Variants in TDRD12 observed in about 807,000 individuals in gnomAD.
TDRD12 encodes the protein putative ATP-dependent RNA helicase TDRD12.
In TDRD12, 158 loss-of-function variants were observed where a neutral mutation model predicts 133.5. The ratio of observed to expected loss-of-function variants is 1.18; its 90% CI spans 1.04 to 1.35. The LOEUF (loss-of-function observed/expected upper bound fraction) is 1.35. TDRD12 is among the 40% of genes most tolerant of loss of function. The pLI is 0.00. For missense variants in TDRD12, 1,443 were observed against 1,321.3 expected, an observed-to-expected ratio of 1.09 and a Z score of -1.43; for synonymous variants, 460 against 477.9, an observed-to-expected ratio of 0.96 and a Z score of 0.49.
At chr19:32,752,443 G>A (rs1192574391) in intron 6 of TDRD12, among the ~76,000 whole-genome samples, 1 of 152,168 alleles carries the variant, frequency 6.6e-6, no homozygotes, top group South Asian at 2.1e-4. Flanking sequence ...GCCTCCCAAA[G>A]TGCTGGGATT....
chr19:32,768,697 G>A lies in TDRD12; in HGVS notation c.866-4056G>A, dbSNP rs113332123. On this transcript the variant is annotated intron_variant, in intron 8 of 27. Coordinates refer to ENST00000444215, the Ensembl canonical transcript of TDRD12. ...CTTTGGCTTACTTTGCTTGGATGGA[G>A]CACATCCATACCCTAAGGGCAGGGT... 8.0e-3 allele frequency among the ~76,000 whole-genome samples: 1,216 copies of A among 152,134 alleles called. 16 individuals are homozygous for A. Among genetic ancestry groups the A allele is most frequent in the African/African-American group, 0.028 (1,152 of 41,482 alleles).
chr19:32,727,938 G>T (rs1464483940), intron 1 of TDRD12, among the ~76,000 whole-genome samples: 1 of 152,160 alleles, frequency 6.6e-6, no homozygotes. Flanking sequence ...GAAGTGCTGG[G>T]ATTACAGGTG....
chr19:32,795,335 GAAA>G (rs35855895), intron 14 of TDRD12, among the ~76,000 whole-genome samples: 2 of 114,266 alleles, frequency 1.8e-5, no homozygotes. Context: ...CTCCATCTCA[GAAA>G]AAAAAAAAAA....
At chr19:32,730,136 A>T (rs1431391767) in intron 1 of TDRD12, among the ~76,000 whole-genome samples, 1 of 150,796 alleles carries the variant, frequency 6.6e-6, no homozygotes, top group Non-Finnish European at 1.5e-5. Context: ...TCTTCTCTGG[A>T]CTCCTTGGGG....
At chr19:32,805,198 T>C (rs557374399) in intron 21 of TDRD12, among the ~76,000 whole-genome samples, 204 of 80,472 alleles carry the variant, frequency 2.5e-3, no homozygotes, top group African/African-American at 7.6e-3. Flanking sequence ...AATATATATA[T>C]ACACACACAC....
intron 25 of TDRD12, 132 bp from the exon 26 acceptor site, chr19:32,815,316 C>G: frequency 1.4e-6 from 1 of 711,326 alleles, no homozygotes. Flanking sequence ...AAGCCCTGCA[C>G]GTTGTGGCAA....
chr19:32,731,925 C>G, intron 2 of TDRD12, 42 bp downstream of exon 2: 1 of 1,467,912 alleles, frequency 6.8e-7, no homozygotes, highest in Non-Finnish European at 9.1e-7. Flanking sequence ...TATTGAAACA[C>G]CACTCAAAAT....
At chr19:32,756,294 T>A in intron 7 of TDRD12, 113 bp downstream of exon 7, 1 of 913,842 alleles carries the variant, frequency 1.1e-6, no homozygotes, top group East Asian at 3.3e-5. Context: ...ACTTGGACTC[T>A]GTTTAAAGTT....
intron 16 of TDRD12, among the ~76,000 whole-genome samples, chr19:32,799,451 T>G (rs1420264930): frequency 6.6e-6 from 1 of 152,208 alleles, no homozygotes; most frequent in Non-Finnish European, 1.5e-5. Context: ...CAGCCTAATT[T>G]ACATTTCCTT....
downstream of TDRD12, chr19:32,826,065 C>T (rs891720004): frequency 1.7e-5 from 26 of 1,516,878 alleles, no homozygotes; most frequent in Non-Finnish European, 2.1e-5. Context: ...ATATAAATAA[C>T]CTGTAGGAAA....
chr19:32,745,982 C>CTGTGTG (rs1186338730), intron 4 of TDRD12, among the ~76,000 whole-genome samples: 1 of 63,756 alleles, frequency 1.6e-5, no homozygotes, highest in African/African-American at 7.7e-5. Context: ...TGTGGTCATT[C>CTGTGTG]TGTGTGTGTG....
intron 10 of TDRD12, 107 bp from the exon 11 acceptor site, chr19:32,777,042 C>A: frequency 1.4e-6 from 1 of 724,900 alleles, no homozygotes; most frequent in Non-Finnish European, 2.2e-6. Context: ...GTGCACACCA[C>A]CATGCCCGGC....
At chr19:32,785,116 G>A (rs1046935664) in intron 11 of TDRD12, among the ~76,000 whole-genome samples, 96 of 151,770 alleles carry the variant, frequency 6.3e-4, no homozygotes, top group African/African-American at 2.2e-3. Flanking sequence ...TCCCTTGTGG[G>A]CATTTAGTGC....
rs1440451698 is a variant in TDRD12 at position 32,803,127 on chromosome 19, C to CAAAA, written c.2537_2538insAAAA (p.Phe847LysfsTer13). 1.3e-6 allele frequency: 2 copies of CAAAA among 1,516,704 alleles called. No individual in the cohort carries two copies. Among genetic ancestry groups the CAAAA allele is most frequent in the Non-Finnish European group, 1.8e-6 (2 of 1,142,224 alleles). The allele number at this position is 1,516,704 out of a possible 1,614,324, so 94.0% of individuals were successfully genotyped here. On this transcript the variant is annotated frameshift_variant, in exon 21 of 28. Transcript: ENST00000444215. LOFTEE classifies it high-confidence loss of function. ...AGGCCTCTTTGTCCATATCTGAAGG[C>CAAAA]TTTTGGTTTTTGCAAGTGAGCCAGT...
At chr19:32,783,892 A>G (rs995387188) in intron 11 of TDRD12, among the ~76,000 whole-genome samples, 4 of 152,210 alleles carry the variant, frequency 2.6e-5, no homozygotes, top group East Asian at 3.8e-4. Context: ...TAAATATGCA[A>G]TCATGTCATC....
chr19:32,795,855 G>T (rs775806305), intron 14 of TDRD12, among the ~76,000 whole-genome samples: 3 of 152,146 alleles, frequency 2.0e-5, no homozygotes, highest in Non-Finnish European at 2.9e-5. Context: ...AGGAGCAGGA[G>T]CAGGGGAGGT....
chr19:32,825,328 C>T (rs972978569), downstream of TDRD12, among the ~76,000 whole-genome samples: 3 of 152,194 alleles, frequency 2.0e-5, no homozygotes, highest in African/African-American at 7.2e-5. This position sits in a 1 kb window ranked among gnomAD's most constrained non-coding sequence, Gnocchi z 4.1. Flanking sequence ...CATTCTTACT[C>T]CGGTGTTTGG....
intron 26 of TDRD12, 37 bp from the exon 27 acceptor site, chr19:32,818,052 G>A: frequency 1.4e-6 from 1 of 702,366 alleles, no homozygotes; most frequent in Non-Finnish European, 2.6e-6. Context: ...AGATGCACAT[G>A]ATTATTTGCA....
Position 32,794,828 on chromosome 19 carries a change from G to A in TDRD12, c.1473+15G>A, listed in dbSNP as rs978681918. On this transcript the variant is annotated intron_variant, in intron 14 of 27. Transcript: ENST00000444215. ...GTAGAAATGGAGTAAGTCAAAGACA[G>A]TTTTGCCTCACAACCAAATGGGTTA... 2 of 700,226 alleles carry A rather than the reference G, an allele frequency of 2.9e-6. No homozygotes were observed. The highest frequency in any genetic ancestry group is 2.0e-5 in the Admixed American group (1 of 49,436). 43.4% of individuals were successfully genotyped at this position (700,226 alleles called of 1,614,324 possible). A position where few individuals can be genotyped will look rare whatever the true frequency, so the allele number is the denominator to read the frequency against.
Sources: gnomAD v4.1 joint callset for allele counts (sites outside exome capture counted in the v4.1 genomes callset) on GRCh38, gnomAD v4.1.1 for gene constraint, Gnocchi (gnomAD v3.1) non-coding constraint, MANE v1.5 for transcripts, NCBI Gene and HGNC (gene_info 2026-07-23, HGNC 2026-07-21) for gene names.